SRD5A2: variants seen among roughly 807,000 people sequenced by gnomAD.
SRD5A2 encodes the protein 3-oxo-5-alpha-steroid 4-dehydrogenase 2.
SRD5A2 carries 30 observed loss-of-function variants against 27.4 expected under a neutral mutation model. The observed-to-expected ratio is 1.10, with a 90% CI of 0.82 to 1.49. The LOEUF (loss-of-function observed/expected upper bound fraction) is 1.49. Ranked by LOEUF, SRD5A2 falls within the 40% of genes most tolerant of loss-of-function variation. SRD5A2 has a pLI of 0.00. For missense variants in SRD5A2, 348 were observed against 323.4 expected (o/e 1.08, Z -0.58); for synonymous variants, 141 against 133.6 (o/e 1.06, Z -0.38).
At chr2:31,560,055 TC>T (rs67240045) in intron 1 of SRD5A2, among the ~76,000 whole-genome samples, 72,413 of 121,554 alleles carry the variant, frequency 0.6, 21,429 homozygotes, top group East Asian at 0.72. Flanking sequence ...TACATACCAA[TC>T]CCCCCCCCCC....
chr2:31,652,626 A>G, the SRD5A2 span, among the ~76,000 whole-genome samples: 1 of 152,234 alleles, frequency 6.6e-6, no homozygotes, highest in Non-Finnish European at 1.5e-5. Flanking sequence ...TTAGTTATTA[A>G]CTACCTAATT....
At chr2:31,617,229 C>T in the SRD5A2 span, among the ~76,000 whole-genome samples, 1 of 152,114 alleles carries the variant, frequency 6.6e-6, no homozygotes, top group Non-Finnish European at 1.5e-5. Flanking sequence ...AGGCTTGGGA[C>T]TTGTAACATC....
At chr2:31,614,068 T>A in the SRD5A2 span, among the ~76,000 whole-genome samples, 1 of 152,210 alleles carries the variant, frequency 6.6e-6, no homozygotes, top group East Asian at 1.9e-4. Context: ...TGTCCTCAGG[T>A]TTTGAAACTA....
intron 1 of SRD5A2, among the ~76,000 whole-genome samples, chr2:31,551,828 T>C (rs1223422599): frequency 6.6e-6 from 1 of 152,138 alleles, no homozygotes; most frequent in Non-Finnish European, 1.5e-5. Context: ...CTATGTGCTG[T>C]TGGTGGTGGG....
the SRD5A2 span, among the ~76,000 whole-genome samples, chr2:31,640,750 A>C: frequency 4.6e-5 from 7 of 152,042 alleles, no homozygotes; most frequent in African/African-American, 1.4e-4. Context: ...CCAAGTTACA[A>C]AGCAGAGTCC....
intron 1 of SRD5A2, among the ~76,000 whole-genome samples, chr2:31,565,831 T>A (rs2148093012): frequency 6.6e-6 from 1 of 152,098 alleles, no homozygotes; most frequent in East Asian, 1.9e-4. Flanking sequence ...ATATAGAAAT[T>A]TGAAGCACAC....
the SRD5A2 span, among the ~76,000 whole-genome samples, chr2:31,640,371 G>C: frequency 6.6e-6 from 1 of 151,956 alleles, no homozygotes; most frequent in Non-Finnish European, 1.5e-5. Flanking sequence ...TCCTTTTGGG[G>C]AGTTTGTGGT....
At chr2:31,569,656 C>A (rs1239598571) in intron 1 of SRD5A2, among the ~76,000 whole-genome samples, 3 of 144,782 alleles carry the variant, frequency 2.1e-5, no homozygotes, top group African/African-American at 7.7e-5. Flanking sequence ...AATTGACTGT[C>A]CACATGCAAA....
Position 31,523,897 on chromosome 2 carries a change from A to G in SRD5A2, c.*2299T>C, listed in dbSNP as rs1310026259. The G allele has an allele frequency of 4.5e-6, 1 of 219,880 alleles. No individual in the cohort carries two copies. The highest frequency in any genetic ancestry group is 9.1e-6 in the Non-Finnish European group (1 of 109,726). The allele number at this position is 219,880 out of a possible 1,614,324, so 13.6% of individuals were successfully genotyped here. ...GAACACTGAGAATACCTGAATTATC[A>G]AGGGAAGGTTTCAGCTTTCATAGAG... On this transcript the variant is annotated 3_prime_UTR_variant, in exon 5 of 5. Coordinates refer to ENST00000622030, the MANE Select transcript of SRD5A2 (RefSeq NM_000348.4).
At chr2:31,557,733 C>T (rs982941737) in intron 1 of SRD5A2, among the ~76,000 whole-genome samples, 1 of 152,186 alleles carries the variant, frequency 6.6e-6, no homozygotes, top group Non-Finnish European at 1.5e-5. Flanking sequence ...GAGTACAGCA[C>T]CCTGGGGGCT....
At chr2:31,628,957 T>C in the SRD5A2 span, among the ~76,000 whole-genome samples, 1 of 152,200 alleles carries the variant, frequency 6.6e-6, no homozygotes, top group African/African-American at 2.4e-5. Context: ...ACAGGTTTTC[T>C]CTGCATTTCC....
chr2:31,662,821 C>T, the SRD5A2 span, among the ~76,000 whole-genome samples: 1 of 152,152 alleles, frequency 6.6e-6, no homozygotes, highest in Non-Finnish European at 1.5e-5. Context: ...CTCTTTTAGC[C>T]TTCTAGCTCT....
the SRD5A2 span, among the ~76,000 whole-genome samples, chr2:31,613,769 C>A: frequency 1.3e-5 from 2 of 152,108 alleles, no homozygotes; most frequent in African/African-American, 2.4e-5. Flanking sequence ...TTCCACATGG[C>A]TGGGGAGTCC....
the SRD5A2 span, among the ~76,000 whole-genome samples, chr2:31,619,095 A>G: frequency 5.3e-5 from 8 of 152,284 alleles, no homozygotes; most frequent in East Asian, 1.5e-3. Flanking sequence ...GGGAATGCAA[A>G]TCGAAATCAC....
intron 1 of SRD5A2, among the ~76,000 whole-genome samples, chr2:31,550,813 G>A (rs560871842): frequency 2.6e-5 from 4 of 151,810 alleles, no homozygotes; most frequent in African/African-American, 4.8e-5. Flanking sequence ...CCTTAAGATC[G>A]TGAACAAGAC....
the SRD5A2 span, among the ~76,000 whole-genome samples, chr2:31,648,880 T>C: frequency 6.6e-6 from 1 of 152,204 alleles, no homozygotes; most frequent in Non-Finnish European, 1.5e-5. Flanking sequence ...TTGGCAGATT[T>C]GAATAGACGG....
At chr2:31,564,114 T>C (rs1666682988) in intron 1 of SRD5A2, among the ~76,000 whole-genome samples, 1 of 151,986 alleles carries the variant, frequency 6.6e-6, no homozygotes, top group African/African-American at 2.4e-5. Context: ...CAGTCAAAAC[T>C]GACACCGAAA....
At chr2:31,544,134 G>A (rs1572637781) in intron 1 of SRD5A2, among the ~76,000 whole-genome samples, 2 of 152,060 alleles carry the variant, frequency 1.3e-5, no homozygotes, top group Admixed American at 1.3e-4. Flanking sequence ...ATAGCAAGAA[G>A]ATAGAAGACT....
the SRD5A2 span, among the ~76,000 whole-genome samples, chr2:31,614,027 T>C: frequency 6.6e-6 from 1 of 152,190 alleles, no homozygotes; most frequent in Admixed American, 6.5e-5. Flanking sequence ...GCAAACCATA[T>C]TATTCTGCAA....
Sources: gnomAD v4.1 joint callset for allele counts (sites outside exome capture counted in the v4.1 genomes callset) on GRCh38, gnomAD v4.1.1 for gene constraint, MANE v1.5 for transcripts, NCBI Gene and HGNC (gene_info 2026-07-23, HGNC 2026-07-21) for gene names.